Variants in FBLN7 observed in about 807,000 individuals in gnomAD.
The protein encoded by FBLN7 is fibulin 7.
In FBLN7, 31 loss-of-function variants were observed where a neutral mutation model predicts 44.0. The observed-to-expected ratio is 0.70, with a 90% confidence interval of 0.53 to 0.95. FBLN7 has a LOEUF of 0.95. Among genes scored for constraint, FBLN7 ranks in the 40% least tolerant of loss-of-function variants. The pLI, the probability that FBLN7 is intolerant of heterozygous loss-of-function variation, is 0.00. For missense variants in FBLN7, 573 were observed against 618.5 expected, an observed-to-expected ratio of 0.93 and a Z score of 0.78; for synonymous variants, 262 against 253.4, an observed-to-expected ratio of 1.03 and a Z score of -0.32.
intron 2 of FBLN7, among the ~76,000 whole-genome samples, chr2:112,160,732 GCA>G (rs1300736217): frequency 3.6e-5 from 3 of 83,598 alleles, no homozygotes; most frequent in African/African-American, 6.1e-5. Context: ...GCACACGCAC[GCA>G]CACGCACACA....
chr2:112,198,862 C>A, the FBLN7 span, among the ~76,000 whole-genome samples: 22 of 152,218 alleles, frequency 1.4e-4, no homozygotes, highest in East Asian at 4.1e-3. Flanking sequence ...TTTATTATAG[C>A]AACCTGAATG....
chr2:112,167,855 G>T (rs1401679271), intron 3 of FBLN7, among the ~76,000 whole-genome samples: 1 of 71,410 alleles, frequency 1.4e-5, no homozygotes, highest in Non-Finnish European at 3.1e-5. Context: ...TGTCATCTCT[G>T]TCCAGGAAAG....
chr2:112,223,833 G>C, the FBLN7 span, among the ~76,000 whole-genome samples: 1 of 152,094 alleles, frequency 6.6e-6, no homozygotes. Context: ...AAAACAGAAG[G>C]CACAAATAAT....
the FBLN7 span, chr2:112,238,410 T>C: frequency 1.2e-5 from 19 of 1,613,630 alleles, no homozygotes; most frequent in Admixed American, 6.7e-5. Context: ...TTGAAGCTCT[T>C]TGGCAAAATT....
At chr2:112,155,601 C>A (rs571862777) in intron 1 of FBLN7, among the ~76,000 whole-genome samples, 1 of 152,330 alleles carries the variant, frequency 6.6e-6, no homozygotes, top group Non-Finnish European at 1.5e-5. Context: ...CCGCCTGGGA[C>A]GGAGATGCAG....
chr2:112,231,226 C>G, the FBLN7 span, among the ~76,000 whole-genome samples: 1 of 152,110 alleles, frequency 6.6e-6, no homozygotes, highest in Admixed American at 6.5e-5. Context: ...TAAACAAGCA[C>G]CTTTGACTTT....
At chr2:112,233,179 C>G in the FBLN7 span, 1 of 863,102 alleles carries the variant, frequency 1.2e-6, no homozygotes, top group East Asian at 3.0e-5. Flanking sequence ...ACCTAAAACA[C>G]TGGTTTCATT....
At chr2:112,192,740 C>T (rs989137209), downstream of FBLN7, among the ~76,000 whole-genome samples, 4 of 152,220 alleles carry the variant, frequency 2.6e-5, no homozygotes, top group African/African-American at 7.2e-5. Flanking sequence ...CTCAGCTTTA[C>T]CAAGCTCTCA....
chr2:112,145,750 C>G (rs2104538803), intron 1 of FBLN7, among the ~76,000 whole-genome samples: 1 of 152,252 alleles, frequency 6.6e-6, no homozygotes, highest in East Asian at 1.9e-4. Flanking sequence ...GCCAATTTTT[C>G]ATGTGGATAT....
rs191751593 is a variant in FBLN7, at chr2:112,179,665, A to T, written c.533-2074A>T. ...CAGGCACGTAGACCAATGGAACGGA[A>T]TAGAGAGCACAGAAATAAGGCCACA... On this transcript the variant is annotated intron_variant, in intron 4 of 7. Coordinates refer to ENST00000331203, the MANE Select transcript of FBLN7 (RefSeq NM_153214.3). Among the ~76,000 whole-genome samples, 785 of 152,340 alleles carry T rather than the reference A, an allele frequency of 5.2e-3. 5 individuals carry two copies. Among genetic ancestry groups the T allele is most frequent in the Non-Finnish European group, 8.6e-3 (584 of 68,022 alleles).
downstream of FBLN7, among the ~76,000 whole-genome samples, chr2:112,192,156 C>G (rs1241361220): frequency 6.6e-6 from 1 of 152,174 alleles, no homozygotes; most frequent in African/African-American, 2.4e-5. Flanking sequence ...TCCTGATTGA[C>G]ATTTGGGTTG....
In FBLN7 at chr2:112,185,344, G is replaced by T. The variant is rs1337009982; in HGVS notation, c.947+5G>T. 2 of 1,612,460 alleles carry T rather than the reference G, an allele frequency of 1.2e-6. No individual in the cohort carries two copies. The highest frequency in any genetic ancestry group is 1.7e-6 in the Non-Finnish European group (2 of 1,178,774). ...CTACGTGAAGACGTCTCCATTGTGA[G>T]TATCTCCAGGGGAGGCACACCCTCA... On this transcript the variant is annotated splice_donor_5th_base_variant and intron_variant, in intron 7 of 7. Transcript: ENST00000331203.
At chr2:112,160,658 G>GCACA (rs111608133) in intron 2 of FBLN7, among the ~76,000 whole-genome samples, 11 of 137,762 alleles carry the variant, frequency 8.0e-5, no homozygotes, top group African/African-American at 8.1e-5. Flanking sequence ...GCACGCACAC[G>GCACA]CGCACGCACA....
chr2:112,172,691 T>C (rs1020148301), intron 3 of FBLN7, among the ~76,000 whole-genome samples: 21 of 146,800 alleles, frequency 1.4e-4, no homozygotes, highest in African/African-American at 4.3e-4. Flanking sequence ...TGGAGAGTAG[T>C]GGCGCGATCT....
the FBLN7 span, among the ~76,000 whole-genome samples, chr2:112,235,069 T>G: frequency 1.4e-4 from 21 of 152,054 alleles, no homozygotes; most frequent in African/African-American, 4.1e-4. Context: ...AGGAAGAAAA[T>G]CTTATAATAC....
rs1385946104 is a variant in FBLN7 at position 112,159,763 on chromosome 2, A to G, written c.163A>G (p.Ile55Val). The part of the protein sequence containing the change: ...KGQETRFAEG[I>V]RHMKSRLAAL... Reference sequence around the variant, plus strand: ...CCAGGAGACACGCTTCGCCGAGGGCATCCGCCACATGAAGAGCCGGCTGGC... The same window carrying G: ...CCAGGAGACACGCTTCGCCGAGGGCGTCCGCCACATGAAGAGCCGGCTGGC... The change falls in exon 2 of 8, where the codon ATC becomes GTC. Residue 55 changes from isoleucine (I) to valine (V), a missense_variant. Ile to Val is a conservative substitution (Grantham distance 29). Transcript: ENST00000331203. 1 of 1,605,222 alleles carries G rather than the reference A, an allele frequency of 6.2e-7. No homozygotes were observed. Among genetic ancestry groups the G allele is most frequent in the East Asian group, 2.3e-5 (1 of 43,924 alleles).
At chr2:112,212,349 T>G in the FBLN7 span, 25 of 152,346 alleles carry the variant, frequency 1.6e-4, no homozygotes, top group East Asian at 4.6e-3. Context: ...ACATTCAGTG[T>G]CTAACACTTC....
the FBLN7 span, among the ~76,000 whole-genome samples, chr2:112,244,002 A>G: frequency 6.6e-6 from 1 of 152,034 alleles, no homozygotes; most frequent in East Asian, 1.9e-4. Flanking sequence ...AACAGAGGAA[A>G]TATCTTGGGA....
At chr2:112,147,655 G>A (rs947478041) in intron 1 of FBLN7, among the ~76,000 whole-genome samples, 1 of 152,178 alleles carries the variant, frequency 6.6e-6, no homozygotes, top group Non-Finnish European at 1.5e-5. Context: ...CTACACAGGG[G>A]CTTTGGGAGA....
Sources: gnomAD v4.1 joint callset for allele counts (sites outside exome capture counted in the v4.1 genomes callset) on GRCh38, gnomAD v4.1.1 for gene constraint, MANE v1.5 for transcripts, NCBI Gene and HGNC (gene_info 2026-07-23, HGNC 2026-07-21) for gene names.